RTL4: variants seen among roughly 807,000 people sequenced by gnomAD.
The protein encoded by RTL4 is retrotransposon Gag like 4.
RTL4 carries 4 observed loss-of-function variants against 5.3 expected under a neutral mutation model. The observed-to-expected ratio is 0.75, with a 90% CI of 0.37 to 1.72. RTL4 has a LOEUF of 1.72. RTL4 is among the 40% of genes most tolerant of loss of function. The pLI is 0.04. For synonymous variants in RTL4, 98 were observed against 87.3 expected, an observed-to-expected ratio of 1.12 and a Z score of -0.68; for missense variants, 260 against 227.1, an observed-to-expected ratio of 1.14 and a Z score of -0.93.
the RTL4 span, among the ~76,000 whole-genome samples, chrX:112,220,028 A>G: frequency 9.0e-6 from 1 of 111,725 alleles, no homozygotes; most frequent in Non-Finnish European, 1.9e-5. Flanking sequence ...CAGTATTCCT[A>G]TTCTCACCTC....
At chrX:112,149,031 T>C in the RTL4 span, among the ~76,000 whole-genome samples, 2 of 111,511 alleles carry the variant, frequency 1.8e-5, no homozygotes, top group South Asian at 3.8e-4. Context: ...TGTCTGTATA[T>C]GGAAGTATAT....
upstream of RTL4, among the ~76,000 whole-genome samples, chrX:112,453,291 A>G (rs1369908236): frequency 2.7e-5 from 3 of 111,961 alleles, no homozygotes; most frequent in Admixed American, 2.8e-4. Flanking sequence ...ATTTAAATAT[A>G]TTTAAATAGC....
the RTL4 span, among the ~76,000 whole-genome samples, chrX:112,227,944 G>A: frequency 3.3e-3 from 369 of 111,428 alleles, 1 homozygote; most frequent in African/African-American, 0.011. Context: ...GCCTCAGGCC[G>A]ATATTGGTTC....
the RTL4 span, among the ~76,000 whole-genome samples, chrX:112,143,572 A>C: frequency 8.9e-6 from 1 of 112,073 alleles, no homozygotes; most frequent in Admixed American, 9.5e-5. Flanking sequence ...TAAATCTATG[A>C]GGCATCACGT....
chrX:112,270,090 A>T, the RTL4 span, among the ~76,000 whole-genome samples: 3 of 112,275 alleles, frequency 2.7e-5, no homozygotes, highest in Non-Finnish European at 5.6e-5. Flanking sequence ...GCTCTAATGA[A>T]GTCCCCTTTT....
the RTL4 span, among the ~76,000 whole-genome samples, chrX:112,431,097 T>G: frequency 9.0e-6 from 1 of 110,616 alleles, no homozygotes; most frequent in South Asian, 3.9e-4. Context: ...TTTTCTTTTT[T>G]CTCTCTCTCT....
At chrX:112,333,700 G>A in the RTL4 span, among the ~76,000 whole-genome samples, 1 of 111,065 alleles carries the variant, frequency 9.0e-6, no homozygotes, top group Admixed American at 9.6e-5. Flanking sequence ...TATTTATGAG[G>A]TATATGAAAT....
chrX:112,310,877 A>T, the RTL4 span, among the ~76,000 whole-genome samples: 1 of 91,852 alleles, frequency 1.1e-5, no homozygotes, highest in Non-Finnish European at 2.1e-5. Flanking sequence ...ATATATATAA[A>T]ATATATGTAT....
the RTL4 span, among the ~76,000 whole-genome samples, chrX:112,086,518 T>C: frequency 8.9e-6 from 1 of 112,260 alleles, no homozygotes; most frequent in African/African-American, 3.2e-5. Flanking sequence ...ACAACACTAA[T>C]GCAAGTTGTA....
the RTL4 span, among the ~76,000 whole-genome samples, chrX:112,388,806 C>T: frequency 9.0e-6 from 1 of 111,532 alleles, no homozygotes; most frequent in Non-Finnish European, 1.9e-5. Context: ...CTGTTAAATT[C>T]GGTTTGCAAG....
chrX:112,348,784 A>G, the RTL4 span, among the ~76,000 whole-genome samples: 1 of 110,073 alleles, frequency 9.1e-6, no homozygotes, highest in Non-Finnish European at 1.9e-5. Flanking sequence ...GTTAGAGGCA[A>G]TTAGAAGTGA....
At chrX:112,348,311 T>C in the RTL4 span, among the ~76,000 whole-genome samples, 1 of 110,059 alleles carries the variant, frequency 9.1e-6, no homozygotes. Flanking sequence ...CTATCCTTGA[T>C]GAGTGATATG....
the RTL4 span, among the ~76,000 whole-genome samples, chrX:112,369,062 C>A: frequency 2.7e-5 from 3 of 112,435 alleles, no homozygotes; most frequent in Non-Finnish European, 5.6e-5. Flanking sequence ...TTCTTTTTGG[C>A]CAGCATGCAA....
chrX:112,112,938 G>C, the RTL4 span, among the ~76,000 whole-genome samples: 1 of 111,608 alleles, frequency 9.0e-6, no homozygotes, highest in Non-Finnish European at 1.9e-5. Context: ...AGAGAGCAGG[G>C]TATAGGGGTT....
At chrX:112,102,540 A>C in the RTL4 span, among the ~76,000 whole-genome samples, 1 of 111,825 alleles carries the variant, frequency 8.9e-6, no homozygotes, top group East Asian at 2.8e-4. Flanking sequence ...AAGAAAGAGA[A>C]ATTTTAGTTG....
chrX:112,139,715 T>C, the RTL4 span, among the ~76,000 whole-genome samples: 3 of 112,478 alleles, frequency 2.7e-5, no homozygotes, highest in African/African-American at 9.7e-5. Context: ...TTCTTTGGGT[T>C]ATTGATATGG....
At chrX:112,444,367 T>C in the RTL4 span, among the ~76,000 whole-genome samples, 2 of 111,843 alleles carry the variant, frequency 1.8e-5, no homozygotes, top group Non-Finnish European at 3.8e-5. Context: ...AATTTGAAGT[T>C]GGGTAATGTA....
chrX:112,134,223 G>T, the RTL4 span, among the ~76,000 whole-genome samples: 2,951 of 111,774 alleles, frequency 0.026, 36 homozygotes, highest in Non-Finnish European at 0.037. Flanking sequence ...TACAACACCA[G>T]ATTCCCACCC....
chrX:112,110,774 T>C, the RTL4 span, among the ~76,000 whole-genome samples: 1 of 112,283 alleles, frequency 8.9e-6, no homozygotes, highest in South Asian at 3.7e-4. Context: ...CTAACTCTGC[T>C]TTTACAAGAG....
Sources: allele counts gnomAD v4.1 joint callset (sites outside exome capture counted in the v4.1 genomes callset), GRCh38; gene constraint gnomAD v4.1.1; transcripts MANE v1.5; gene names NCBI Gene and HGNC (gene_info 2026-07-23, HGNC 2026-07-21).